HERC2: variants seen among roughly 807,000 people sequenced by gnomAD.
HERC2 encodes HECT and RLD domain containing E3 ubiquitin protein ligase 2, also known as E3 ubiquitin-protein ligase HERC2.
HERC2 carries 102 observed loss-of-function variants against 537.7 expected under a neutral mutation model. That is an observed-to-expected ratio of 0.19 (90% CI 0.16 to 0.22). HERC2 has a LOEUF of 0.22. Ranked by LOEUF, HERC2 falls within the 10% of genes least tolerant of loss-of-function variation. The pLI, the probability that HERC2 is intolerant of heterozygous loss-of-function variation, is 1.00. For synonymous variants in HERC2, 2,224 were observed against 2,466.2 expected, an observed-to-expected ratio of 0.90 and a Z score of 2.91; for missense variants, 4,236 against 6,198.2, an observed-to-expected ratio of 0.68 and a Z score of 10.63.
Position 28,126,961 on chromosome 15 carries a change from C to T in HERC2, c.12803-1768G>A, listed in dbSNP as rs1012126528. ...CATTCGCAAGAATCATCACACTTTT[C>T]AGTGCACCGTGTGGGACCTCAACCA... On this transcript the variant is annotated intron_variant, in intron 83 of 92. Transcript: ENST00000261609. 7.9e-5 allele frequency among the ~76,000 whole-genome samples: 12 copies of T among 152,344 alleles called. No individual in the cohort carries two copies. In the East Asian group the frequency reaches 2.3e-3, roughly 29 times the overall value.
chr15:28,259,302 C>T (rs556658708), intron 16 of HERC2, among the ~76,000 whole-genome samples: 30 of 152,084 alleles, frequency 2.0e-4, no homozygotes, highest in African/African-American at 7.2e-4. Context: ...ACCATGTTAG[C>T]CAGGCTGGTC....
chr15:28,182,523 G>T lies in HERC2; in HGVS notation c.8826-11C>A, dbSNP rs778989144. On this transcript the variant is annotated splice_polypyrimidine_tract_variant and intron_variant, in intron 56 of 92. Coordinates refer to ENST00000261609, the MANE Select transcript of HERC2 (RefSeq NM_004667.6). ...TTCTTTCTAATGAGGCTAACCAAACGGAAAAAAAAAAGAAAAAGAAAAGAG... is the reference window on the plus strand; with the variant it reads ...TTCTTTCTAATGAGGCTAACCAAACTGAAAAAAAAAAGAAAAAGAAAAGAG... The T allele has an allele frequency of 1.3e-6, 2 of 1,556,226 alleles. No homozygotes were observed. The highest frequency in any genetic ancestry group is 1.2e-5 in the South Asian group (1 of 85,952).
chr15:28,272,847 A>C, intron 8 of HERC2, 47 bp downstream of exon 8: 1 of 1,285,886 alleles, frequency 7.8e-7, no homozygotes, highest in Non-Finnish European at 1.1e-6. Context: ...AGGTATTTCC[A>C]TACACAGGCG....
At chr15:28,183,881 A>G (rs1896052546) in intron 56 of HERC2, among the ~76,000 whole-genome samples, 1 of 152,176 alleles carries the variant, frequency 6.6e-6, no homozygotes, top group South Asian at 2.1e-4. Context: ...CTTGTGATAC[A>G]TTTTTACTTA....
chr15:28,222,407 C>T (rs1160326684), intron 35 of HERC2, among the ~76,000 whole-genome samples, 192 bp from the exon 36 acceptor site: 1 of 151,832 alleles, frequency 6.6e-6, no homozygotes, highest in African/African-American at 2.4e-5. Flanking sequence ...GGATGAAATA[C>T]ATAAATATCC....
intron 92 of HERC2, among the ~76,000 whole-genome samples, chr15:28,112,723 G>A (rs1887785663): frequency 2.0e-5 from 3 of 152,028 alleles, no homozygotes; most frequent in African/African-American, 4.8e-5. Flanking sequence ...TCCAACGAGC[G>A]GCCTCATTTT....
chr15:28,188,109 T>C (rs896211291), intron 55 of HERC2, among the ~76,000 whole-genome samples: 3 of 152,182 alleles, frequency 2.0e-5, no homozygotes, highest in Admixed American at 2.0e-4. Flanking sequence ...CAGTTTTTTT[T>C]TTCTTTAGCA....
chr15:28,179,158 A>T lies in HERC2; in HGVS notation c.9003T>A (p.Ser3001=). 6.2e-7 allele frequency: 1 copy of T among 1,612,996 alleles called. No individual in the cohort carries two copies. Among genetic ancestry groups the T allele is most frequent in the Non-Finnish European group, 8.5e-7 (1 of 1,179,526 alleles). Residue 3001 remains serine, a synonymous_variant, in exon 58 of 93, where the codon TCT becomes TCA. Coordinates refer to ENST00000261609, the MANE Select transcript of HERC2 (RefSeq NM_004667.6). ...ALNVVQVAGG[S]KSLFAVTVEG... is the part of the protein sequence containing the mutation. Reference sequence around the variant, plus strand: ...TAATCATACCTGCAAACAAACTTTTAGATCCACCAGCCACCTGTACCACAT... The same window carrying T: ...TAATCATACCTGCAAACAAACTTTTTGATCCACCAGCCACCTGTACCACAT...
At position 28,237,104 on chromosome 15, in the gene HERC2, C is replaced by T; in HGVS notation, c.3862G>A (p.Glu1288Lys). Residue 1288 changes from glutamate to lysine, a missense_variant, in exon 26 of 93, where the codon GAA becomes AAA. Coordinates refer to ENST00000261609, the MANE Select transcript of HERC2 (RefSeq NM_004667.6). Reference sequence around the variant, plus strand: ...CCCAGATCTGGTATGGTGACGATTTCTTGGTCAGGCTGGAAAAATAAATTT... The same window carrying T: ...CCCAGATCTGGTATGGTGACGATTTTTTGGTCAGGCTGGAAAAATAAATTT... ...CVGQYLEPDQ[E>K]IVTIPDLGSL... 1 of 1,557,546 alleles carries T rather than the reference C, an allele frequency of 6.4e-7. No individual in the cohort carries two copies. The highest frequency in any genetic ancestry group is 8.8e-7 in the Non-Finnish European group (1 of 1,130,224).
chr15:28,118,767 C>T (rs1888556441), intron 86 of HERC2, among the ~76,000 whole-genome samples: 1 of 152,196 alleles, frequency 6.6e-6, no homozygotes, highest in South Asian at 2.1e-4. Flanking sequence ...ACCCTGAATT[C>T]AAACAATGTT....
At chr15:28,298,832 G>A (rs2076544141) in intron 3 of HERC2, among the ~76,000 whole-genome samples, 1 of 151,972 alleles carries the variant, frequency 6.6e-6, no homozygotes, top group Non-Finnish European at 1.5e-5. Context: ...ACTTTCTTCA[G>A]ACTAATGCTC....
chr15:28,228,142 A>G, intron 35 of HERC2, 76 bp downstream of exon 35: 1 of 1,281,274 alleles, frequency 7.8e-7, no homozygotes, highest in Non-Finnish European at 1.1e-6. Flanking sequence ...AAAAAAAAAA[A>G]AAGAAAAGAA....
chr15:28,158,015 G>C (rs1446656439), intron 69 of HERC2, among the ~76,000 whole-genome samples: 1 of 152,168 alleles, frequency 6.6e-6, no homozygotes, highest in East Asian at 1.9e-4. Flanking sequence ...TTCAGGAGCA[G>C]GTTGTTCGGT....
chr15:28,160,000 C>T (rs898898137), intron 69 of HERC2, among the ~76,000 whole-genome samples: 1 of 151,910 alleles, frequency 6.6e-6, no homozygotes, highest in Non-Finnish European at 1.5e-5. Context: ...AGGTCCACTC[C>T]CAGACTCTGT....
At position 28,257,589 on chromosome 15, in the gene HERC2, C is replaced by G. The variant is rs535390804; in HGVS notation, c.2317-328G>C. Among the ~76,000 whole-genome samples, 5 of 152,288 alleles carry G rather than the reference C, an allele frequency of 3.3e-5. No individual in the cohort carries two copies. In the South Asian group the frequency reaches 1.0e-3, roughly 32 times the overall value. On this transcript the variant is annotated intron_variant, in intron 16 of 92. Transcript: ENST00000261609. ...TGAAGTGGTATAATAGCAACTCTAA[C>G]TAGACAACGAATTGTTAGATGCATA... is the stretch of plus-strand genomic sequence containing the variant.
chr15:28,238,488 T>A, intron 24 of HERC2, 114 bp downstream of exon 24: 1 of 841,986 alleles, frequency 1.2e-6, no homozygotes, highest in African/African-American at 1.7e-5. Flanking sequence ...CACAGATACA[T>A]TAAAATATGT....
chr15:28,219,032 G>A (rs898457699), intron 37 of HERC2, among the ~76,000 whole-genome samples: 8 of 152,134 alleles, frequency 5.3e-5, no homozygotes, highest in African/African-American at 1.9e-4. Context: ...TGCACTAAAC[G>A]TGCACCCTGA....
At chr15:28,246,235 A>T (rs1224379996) in intron 22 of HERC2, among the ~76,000 whole-genome samples, 169 bp from the exon 23 acceptor site, 1 of 152,232 alleles carries the variant, frequency 6.6e-6, no homozygotes, top group African/African-American at 2.4e-5. Context: ...CATAGCTATT[A>T]AACAGAACCC....
intron 92 of HERC2, among the ~76,000 whole-genome samples, chr15:28,112,250 C>CT (rs1887724607): frequency 6.6e-6 from 1 of 152,170 alleles, no homozygotes; most frequent in South Asian, 2.1e-4. Flanking sequence ...TGATGGCTCT[C>CT]TATTGTCATC....
Sources: allele counts gnomAD v4.1 joint callset (sites outside exome capture counted in the v4.1 genomes callset), GRCh38; gene constraint gnomAD v4.1.1; transcripts MANE v1.5; gene names NCBI Gene and HGNC (gene_info 2026-07-23, HGNC 2026-07-21).